Variants in TTC23 observed in about 807,000 individuals in gnomAD.
TTC23 encodes tetratricopeptide repeat domain 23.
A neutral mutation model predicts 55.1 loss-of-function variants in TTC23; 58 were observed. The observed-to-expected ratio is 1.05, with a 90% CI of 0.85 to 1.31. TTC23 has a LOEUF of 1.31. TTC23 is among the 50% of genes most tolerant of loss of function. The pLI, the probability that TTC23 is intolerant of heterozygous loss-of-function variation, is 0.00. For missense variants in TTC23, 516 were observed against 534.4 expected, an observed-to-expected ratio of 0.97 and a Z score of 0.34; for synonymous variants, 203 against 199.9, an observed-to-expected ratio of 1.02 and a Z score of -0.13.
intron 12 of TTC23, among the ~76,000 whole-genome samples, chr15:99,147,302 T>C (rs1248673492): frequency 6.8e-6 from 1 of 146,278 alleles, no homozygotes; most frequent in Non-Finnish European, 1.5e-5. Flanking sequence ...CTCAGCTCAC[T>C]GCAAGCTCCG....
intron 10 of TTC23, among the ~76,000 whole-genome samples, chr15:99,170,390 A>G (rs1309437947): frequency 2.6e-5 from 4 of 152,198 alleles, no homozygotes; most frequent in African/African-American, 9.6e-5. Context: ...TTTCTCATTA[A>G]TAATTATTTT....
At chr15:99,221,901 A>G in intron 5 of TTC23, 37 bp from the exon 6 acceptor site, 1 of 1,605,414 alleles carries the variant, frequency 6.2e-7, no homozygotes, top group Non-Finnish European at 8.5e-7. Context: ...CAGTTATACA[A>G]CTTAAGAGTC....
At chr15:99,155,894 G>T in intron 12 of TTC23, 1 of 543,866 alleles carries the variant, frequency 1.8e-6, no homozygotes, top group Non-Finnish European at 3.2e-6. Context: ...CTGATCAATT[G>T]TACTACGTAA....
At chr15:99,183,391 G>A (rs1438820902) in intron 9 of TTC23, among the ~76,000 whole-genome samples, 7 of 150,238 alleles carry the variant, frequency 4.7e-5, no homozygotes, top group Admixed American at 6.6e-5. Context: ...GTGCGATCTC[G>A]ACTCACTGCA....
chr15:99,146,169 T>A (rs1464365197), intron 12 of TTC23, among the ~76,000 whole-genome samples: 1 of 152,238 alleles, frequency 6.6e-6, no homozygotes, highest in East Asian at 1.9e-4. Flanking sequence ...AATAAATGCA[T>A]TGGCAGGACT....
chr15:99,148,126 G>A (rs782063673), intron 12 of TTC23, among the ~76,000 whole-genome samples: 1 of 151,880 alleles, frequency 6.6e-6, no homozygotes, highest in African/African-American at 2.4e-5. Flanking sequence ...ACTTTGGGAG[G>A]CCGAGGCAGG....
chr15:99,158,256 T>C (rs2070878494), intron 11 of TTC23: 1 of 152,218 alleles, frequency 6.6e-6, no homozygotes, highest in Non-Finnish European at 1.5e-5. Context: ...GAGCAAGGAC[T>C]TGGACTGCTG....
At position 99,200,080 on chromosome 15, in the gene TTC23, T is replaced by C. The variant is rs1329108697; in HGVS notation, c.598A>G (p.Lys200Glu). The C allele has an allele frequency of 3.7e-6, 6 of 1,609,176 alleles. No individual in the cohort carries two copies. The highest frequency in any genetic ancestry group is 5.1e-6 in the Non-Finnish European group (6 of 1,177,740). Reference protein sequence around the residue: ...LSFAQVYQGQKKSKEALSHYQ... With the variant: ...LSFAQVYQGQEKSKEALSHYQ... ...TGGGACAAAGCTTCTTTTGACTTCT[T>C]CTGACCTTGATACACCCTAAAAAAA... The change falls in exon 9 of 14, where the codon AAG (lysine) becomes GAG (glutamate). Residue 200 changes from lysine (K) to glutamate (E), a missense_variant. By Grantham distance (56) the Lys-to-Glu change is moderately conservative. Coordinates refer to ENST00000394132, the MANE Select transcript of TTC23 (RefSeq NM_001288615.3).
intron 9 of TTC23, among the ~76,000 whole-genome samples, chr15:99,181,498 AG>A (rs1382803736): frequency 6.6e-6 from 1 of 152,238 alleles, no homozygotes; most frequent in African/African-American, 2.4e-5. Flanking sequence ...TTAATTCAAA[AG>A]AAGTTCAAGT....
chr15:99,218,615 T>G lies in TTC23; in HGVS notation c.554A>C (p.Glu185Ala). Residue 185 changes from glutamate (E) to alanine (A), a missense_variant, in exon 8 of 14, where the codon GAA becomes GCA. Glu to Ala is a moderately radical substitution (Grantham distance 107). Coordinates refer to ENST00000394132, the MANE Select transcript of TTC23 (RefSeq NM_001288615.3). Reference protein sequence around the residue: ...RIIKEEWIEIEARIRLSFAQV... With the variant: ...RIIKEEWIEIAARIRLSFAQV... ...TGCAAATGATAATCTGATCCGTGCT[T>G]CAATTTCTATCCATTCTTCCTTTAT... The G allele has an allele frequency of 1.2e-6, 2 of 1,614,224 alleles. No individual in the cohort carries two copies. Among genetic ancestry groups the G allele is most frequent in the Non-Finnish European group, 8.5e-7 (1 of 1,180,040 alleles).
At chr15:99,234,489 G>C (rs981792068) in intron 4 of TTC23, among the ~76,000 whole-genome samples, 2 of 152,296 alleles carry the variant, frequency 1.3e-5, no homozygotes, top group Admixed American at 1.3e-4. Flanking sequence ...TCCTGCCTCA[G>C]CCTCCTGAGC....
At chr15:99,180,948 G>A (rs1053881858) in intron 9 of TTC23, among the ~76,000 whole-genome samples, 1 of 152,200 alleles carries the variant, frequency 6.6e-6, no homozygotes, top group Admixed American at 6.5e-5. Context: ...GAGGGACACA[G>A]GGAAGGAGGG....
intron 6 of TTC23, among the ~76,000 whole-genome samples, chr15:99,221,325 G>C (rs911953092): frequency 1.3e-5 from 2 of 152,060 alleles, no homozygotes; most frequent in African/African-American, 4.8e-5. Context: ...AAAAACTTTT[G>C]TTTATGCCAA....
intron 4 of TTC23, among the ~76,000 whole-genome samples, chr15:99,233,879 A>G (rs1274210478): frequency 6.6e-6 from 1 of 152,250 alleles, no homozygotes; most frequent in Non-Finnish European, 1.5e-5. Flanking sequence ...GGACCCACAC[A>G]TACATGAATA....
chr15:99,167,429 G>T (rs1360128546), intron 10 of TTC23, among the ~76,000 whole-genome samples: 1 of 152,200 alleles, frequency 6.6e-6, no homozygotes, highest in African/African-American at 2.4e-5. Context: ...AGCCCTAATG[G>T]CACAGGTGTT....
At chr15:99,156,400 C>T in intron 11 of TTC23, 103 bp from the exon 12 acceptor site, 1 of 1,372,528 alleles carries the variant, frequency 7.3e-7, no homozygotes, top group Non-Finnish European at 1.0e-6. Context: ...GTCTCACGAG[C>T]TGAGCCTGTT....
intron 8 of TTC23, among the ~76,000 whole-genome samples, chr15:99,207,422 T>C (rs1323121390): frequency 6.6e-6 from 1 of 152,096 alleles, no homozygotes; most frequent in Non-Finnish European, 1.5e-5. Flanking sequence ...CTAGCAAACA[T>C]ATAAAAAGAT....
chr15:99,201,991 G>A (rs2076238475), intron 8 of TTC23, among the ~76,000 whole-genome samples: 2 of 152,056 alleles, frequency 1.3e-5, no homozygotes, highest in South Asian at 4.1e-4. Flanking sequence ...ATGGTGTGGG[G>A]GCCAAATCTG....
At chr15:99,179,762 G>T (rs1362390798) in intron 9 of TTC23, among the ~76,000 whole-genome samples, 1 of 152,194 alleles carries the variant, frequency 6.6e-6, no homozygotes, top group Admixed American at 6.5e-5. Context: ...CTGGAAGTCT[G>T]ACTACCTGCT....
Sources: gnomAD v4.1 joint callset for allele counts (sites outside exome capture counted in the v4.1 genomes callset) on GRCh38, gnomAD v4.1.1 for gene constraint, MANE v1.5 for transcripts, NCBI Gene and HGNC (gene_info 2026-07-23, HGNC 2026-07-21) for gene names.